Variants in NETO1 observed in about 807,000 individuals in gnomAD.
NETO1 encodes the protein neuropilin and tolloid like 1.
NETO1 carries 26 observed loss-of-function variants against 61.3 expected under a neutral mutation model. That is an observed-to-expected ratio of 0.42 (90% CI 0.31 to 0.59). The LOEUF is 0.59. Ranked by LOEUF, NETO1 falls within the 20% of genes least tolerant of loss-of-function variation. The pLI is 0.12. For synonymous variants in NETO1, 225 were observed against 225.8 expected (o/e 1.00, Z 0.03); for missense variants, 531 against 662.8 (o/e 0.80, Z 2.18).
At chr18:72,787,684 T>C (rs1178932909) in intron 6 of NETO1, among the ~76,000 whole-genome samples, 4 of 152,218 alleles carry the variant, frequency 2.6e-5, no homozygotes, top group Non-Finnish European at 5.9e-5. Flanking sequence ...TGAAGAGAAC[T>C]GAAGTTTATA....
intron 8 of NETO1, among the ~76,000 whole-genome samples, chr18:72,750,872 T>TACACACAC (rs142668353): frequency 0.014 from 1,635 of 118,730 alleles, 46 homozygotes; most frequent in African/African-American, 0.043. Context: ...CAGCTTAAAA[T>TACACACAC]ACACACACAC....
intron 7 of NETO1, among the ~76,000 whole-genome samples, chr18:72,771,630 G>A (rs895916566): frequency 1.3e-4 from 20 of 152,158 alleles, no homozygotes; most frequent in African/African-American, 4.6e-4. Flanking sequence ...AACTTTTAGT[G>A]TCAATCTGAT....
intron 7 of NETO1, among the ~76,000 whole-genome samples, chr18:72,758,556 G>T (rs2070864619): frequency 6.6e-6 from 1 of 152,104 alleles, no homozygotes; most frequent in Admixed American, 6.5e-5. Flanking sequence ...CAATGTAGAG[G>T]CTGGGCGTGG....
At chr18:72,817,811 C>T (rs1022609091) in intron 4 of NETO1, among the ~76,000 whole-genome samples, 2 of 152,214 alleles carry the variant, frequency 1.3e-5, no homozygotes, top group African/African-American at 4.8e-5. Flanking sequence ...GTCTCTCAGA[C>T]CTGTCTTTTT....
intron 4 of NETO1, among the ~76,000 whole-genome samples, chr18:72,804,462 C>T (rs530976963): frequency 6.6e-6 from 1 of 152,302 alleles, no homozygotes; most frequent in South Asian, 2.1e-4. Context: ...ATATCAGAGG[C>T]CTCCTCATTT....
chr18:72,808,194 A>C (rs1295545447), intron 4 of NETO1, among the ~76,000 whole-genome samples: 2 of 152,240 alleles, frequency 1.3e-5, no homozygotes, highest in Non-Finnish European at 2.9e-5. Context: ...AGCAGGCTAC[A>C]GAAGGTTCTG....
At chr18:72,827,731 A>AAAG in intron 4 of NETO1, among the ~76,000 whole-genome samples, 1 of 148,600 alleles carries the variant, frequency 6.7e-6, no homozygotes, top group African/African-American at 2.5e-5. Context: ...AAAAAAAAAA[A>AAAG]AAAAAAGAAA....
intron 4 of NETO1, among the ~76,000 whole-genome samples, chr18:72,805,313 T>C (rs1002751808): frequency 5.9e-5 from 9 of 152,188 alleles, no homozygotes; most frequent in African/African-American, 1.7e-4. Context: ...ATGAATCAAA[T>C]TTTTATGAGA....
chr18:72,834,134 G>T (rs1281945329), intron 4 of NETO1: 13 of 851,714 alleles, frequency 1.5e-5, no homozygotes, highest in Non-Finnish European at 1.8e-5. Flanking sequence ...GGTATTTAGA[G>T]CTTCGGACAA....
chr18:72,829,112 C>A (rs1428309180), intron 4 of NETO1, among the ~76,000 whole-genome samples: 2 of 151,948 alleles, frequency 1.3e-5, no homozygotes, highest in Admixed American at 1.3e-4. Context: ...AAATTATAAA[C>A]AAAAATAATT....
At chr18:72,832,539 T>A (rs56103046) in intron 4 of NETO1, among the ~76,000 whole-genome samples, 3,717 of 152,284 alleles carry the variant, frequency 0.024, 124 homozygotes, top group East Asian at 0.12. Context: ...TATTAACCCA[T>A]ACATTGCAAT....
intron 7 of NETO1, among the ~76,000 whole-genome samples, chr18:72,781,758 A>C (rs558046533): frequency 8.1e-4 from 123 of 152,352 alleles, no homozygotes; most frequent in Non-Finnish European, 1.4e-3. Flanking sequence ...GAAATCACTG[A>C]AATTTCAAAA....
At chr18:72,822,952 G>A (rs529261449) in intron 4 of NETO1, among the ~76,000 whole-genome samples, 7 of 152,202 alleles carry the variant, frequency 4.6e-5, no homozygotes, top group South Asian at 2.1e-4. Flanking sequence ...CTACCAAATC[G>A]TTACAATGTC....
intron 8 of NETO1, among the ~76,000 whole-genome samples, chr18:72,754,883 G>A (rs1304133855): frequency 6.6e-6 from 1 of 152,114 alleles, no homozygotes. Context: ...CTCAACAACA[G>A]CAAATACGTA....
chr18:72,853,952 C>T (rs2074337025), intron 4 of NETO1, among the ~76,000 whole-genome samples: 2 of 151,968 alleles, frequency 1.3e-5, no homozygotes, highest in Non-Finnish European at 2.9e-5. Flanking sequence ...ATGGTTAATA[C>T]ATATATATTC....
chr18:72,791,206 T>C lies in NETO1; in HGVS notation c.639+2911A>G, dbSNP rs76649369. Among the ~76,000 whole-genome samples the C allele has an allele frequency of 1.5e-3, 221 of 152,300 alleles. 4 individuals carry two copies. In the East Asian group the frequency reaches 0.021, roughly 14 times the overall value. On this transcript the variant is annotated intron_variant, in intron 6 of 10. Transcript: ENST00000327305. Reference sequence around the variant, plus strand: ...GTAAAGGAGACATCAGATATTATATTTTCTATTTGTCAAAAGCTGGTAAAG... The same window carrying C: ...GTAAAGGAGACATCAGATATTATATCTTCTATTTGTCAAAAGCTGGTAAAG...
chr18:72,770,236 TA>T (rs1230945198), intron 7 of NETO1, among the ~76,000 whole-genome samples: 6 of 152,196 alleles, frequency 3.9e-5, no homozygotes, highest in South Asian at 2.1e-4. Flanking sequence ...TTAGAATGCT[TA>T]TCTTTTTCTT....
intron 4 of NETO1, among the ~76,000 whole-genome samples, chr18:72,847,948 C>T (rs1048533485): frequency 6.6e-6 from 1 of 152,104 alleles, no homozygotes; most frequent in African/African-American, 2.4e-5. Context: ...TTTCCATTGC[C>T]TTTTTCAGGA....
At chr18:72,773,087 G>T (rs1320459022) in intron 7 of NETO1, among the ~76,000 whole-genome samples, 1 of 151,624 alleles carries the variant, frequency 6.6e-6, no homozygotes, top group Non-Finnish European at 1.5e-5. Context: ...GAACACAATT[G>T]TGCTAGGCTT....
Sources: allele counts gnomAD v4.1 joint callset (sites outside exome capture counted in the v4.1 genomes callset), GRCh38; gene constraint gnomAD v4.1.1; transcripts MANE v1.5; gene names NCBI Gene and HGNC (gene_info 2026-07-23, HGNC 2026-07-21).